Variants in FHOD3 observed in about 807,000 individuals in gnomAD.
FHOD3 encodes the protein formin homology 2 domain containing 3, also known as FH1/FH2 domain-containing protein 3.
In FHOD3, 90 loss-of-function variants were observed where a neutral mutation model predicts 173.0. The ratio of observed to expected loss-of-function variants is 0.52; its 90% confidence interval spans 0.44 to 0.62. The LOEUF (loss-of-function observed/expected upper bound fraction) is 0.62, where lower values mean the gene tolerates loss of function less well. Among genes scored for constraint, FHOD3 ranks in the 20% least tolerant of loss-of-function variants. The probability of loss-of-function intolerance (pLI) is 0.00; values close to 1 mark genes in which losing one functional copy is unlikely to be tolerated. For synonymous variants in FHOD3, 828 were observed against 823.0 expected, an observed-to-expected ratio of 1.01 and a Z score of -0.10; for missense variants, 1,945 against 2,034.7, an observed-to-expected ratio of 0.96 and a Z score of 0.85.
intron 6 of FHOD3, among the ~76,000 whole-genome samples, chr18:36,582,757 C>T (rs1050577993): frequency 6.6e-6 from 1 of 152,226 alleles, no homozygotes; most frequent in African/African-American, 2.4e-5. Flanking sequence ...AGCTGGGATG[C>T]GATGTCATTC....
chr18:36,453,149 T>C (rs1411790709), intron 3 of FHOD3, among the ~76,000 whole-genome samples: 1 of 152,166 alleles, frequency 6.6e-6, no homozygotes, highest in East Asian at 1.9e-4. Flanking sequence ...ATCAAACTAA[T>C]TCTAGCTTGG....
At chr18:36,436,658 A>AT (rs1275535116) in intron 3 of FHOD3, among the ~76,000 whole-genome samples, 1 of 152,186 alleles carries the variant, frequency 6.6e-6, no homozygotes, top group Non-Finnish European at 1.5e-5. Context: ...TTTGAATTTT[A>AT]TTTTTTTACC....
intron 16 of FHOD3, among the ~76,000 whole-genome samples, chr18:36,690,678 C>CT (rs2038909847): frequency 6.6e-6 from 1 of 152,012 alleles, no homozygotes. Context: ...GCTGCTGCTG[C>CT]TTTTTCAGAA....
intron 17 of FHOD3, among the ~76,000 whole-genome samples, chr18:36,708,027 G>T (rs576835001): frequency 6.6e-6 from 1 of 152,124 alleles, no homozygotes; most frequent in East Asian, 1.9e-4. Context: ...CGATCATTTT[G>T]CTACACATCC....
chr18:36,365,079 T>G (rs935461874), intron 2 of FHOD3, among the ~76,000 whole-genome samples: 1 of 152,076 alleles, frequency 6.6e-6, no homozygotes, highest in South Asian at 2.1e-4. Context: ...AAGGACCTCA[T>G]ACCAGACACA....
intron 10 of FHOD3, among the ~76,000 whole-genome samples, chr18:36,645,502 C>T (rs1166245110): frequency 2.0e-5 from 3 of 152,068 alleles, no homozygotes; most frequent in Non-Finnish European, 4.4e-5. Flanking sequence ...TATCTCACTG[C>T]TCTCCTTGTT....
At chr18:36,472,582 CCAG>C (rs2053343409) in intron 3 of FHOD3, among the ~76,000 whole-genome samples, 2 of 152,152 alleles carry the variant, frequency 1.3e-5, no homozygotes, top group Non-Finnish European at 2.9e-5. Context: ...CTTTTCCTCC[CCAG>C]CCCTAGGTAG....
chr18:36,528,190 C>T (rs1202962477), intron 5 of FHOD3, among the ~76,000 whole-genome samples: 1 of 152,128 alleles, frequency 6.6e-6, no homozygotes, highest in African/African-American at 2.4e-5. Context: ...AAACCTGTAG[C>T]ACTAGGATAA....
chr18:36,535,314 G>A (rs896064291), intron 5 of FHOD3, among the ~76,000 whole-genome samples: 2 of 152,192 alleles, frequency 1.3e-5, no homozygotes, highest in Non-Finnish European at 2.9e-5. Context: ...CACCCTGTCT[G>A]CCCCTGGAGC....
chr18:36,447,538 T>C (rs1241439595), intron 3 of FHOD3, among the ~76,000 whole-genome samples: 1 of 152,218 alleles, frequency 6.6e-6, no homozygotes, highest in African/African-American at 2.4e-5. Context: ...TGGTGTTGAC[T>C]GTACCGAAGA....
chr18:36,358,611 C>G (rs1398999903), intron 2 of FHOD3, among the ~76,000 whole-genome samples: 1 of 152,162 alleles, frequency 6.6e-6, no homozygotes, highest in Non-Finnish European at 1.5e-5. Flanking sequence ...ACTTGGGAAA[C>G]TACAGAGGAA....
At chr18:36,349,220 G>A (rs2046004230) in intron 1 of FHOD3, among the ~76,000 whole-genome samples, 1 of 152,160 alleles carries the variant, frequency 6.6e-6, no homozygotes, top group South Asian at 2.1e-4. Context: ...ACCCTCCAGT[G>A]GGTAACCCCA....
chr18:36,597,820 A>G (rs1426709934), intron 7 of FHOD3, among the ~76,000 whole-genome samples: 2 of 152,114 alleles, frequency 1.3e-5, no homozygotes, highest in South Asian at 2.1e-4. Flanking sequence ...AAAAAAAAAA[A>G]AGGAATGGCA....
intron 5 of FHOD3, among the ~76,000 whole-genome samples, chr18:36,559,813 A>C (rs1414417518): frequency 3.3e-5 from 5 of 152,010 alleles, no homozygotes; most frequent in Admixed American, 6.6e-5. Context: ...GGCCCCTCCC[A>C]AGGTCTGGGA....
At chr18:36,716,894 G>A (rs185592780) in intron 18 of FHOD3, among the ~76,000 whole-genome samples, 290 of 150,994 alleles carry the variant, frequency 1.9e-3, no homozygotes, top group African/African-American at 6.9e-3. Flanking sequence ...TTTTTAAGAC[G>A]GGGGAAATTA....
chr18:36,494,982 G>C (rs554399357), intron 3 of FHOD3, among the ~76,000 whole-genome samples: 1 of 152,070 alleles, frequency 6.6e-6, no homozygotes, highest in African/African-American at 2.4e-5. Flanking sequence ...CCGCTCTGTC[G>C]CCAAGGCTGG....
chr18:36,454,145 G>C (rs1011354738), intron 3 of FHOD3, among the ~76,000 whole-genome samples: 18 of 152,036 alleles, frequency 1.2e-4, no homozygotes, highest in African/African-American at 4.3e-4. Context: ...TCTCACCTTT[G>C]GCCTTGGGAC....
intron 5 of FHOD3, among the ~76,000 whole-genome samples, chr18:36,560,847 T>C (rs542118682): frequency 2.1e-3 from 318 of 151,808 alleles, no homozygotes; most frequent in African/African-American, 7.5e-3. Context: ...TTTCTGTTTT[T>C]TTTTTTTGTT....
intron 3 of FHOD3, among the ~76,000 whole-genome samples, chr18:36,438,691 G>C (rs543090832): frequency 1.3e-5 from 2 of 152,316 alleles, no homozygotes; most frequent in East Asian, 3.9e-4. Context: ...CCTGGTGTCT[G>C]CTGCCCCAGT....
Sources: gnomAD v4.1 joint callset for allele counts (sites outside exome capture counted in the v4.1 genomes callset) on GRCh38, gnomAD v4.1.1 for gene constraint, MANE v1.5 for transcripts, NCBI Gene and HGNC (gene_info 2026-07-23, HGNC 2026-07-21) for gene names.